JADE2: variants seen among roughly 807,000 people sequenced by gnomAD.
The protein encoded by JADE2 is jade family PHD finger 2, also known as E3 ubiquitin-protein ligase Jade-2.
A neutral mutation model predicts 85.7 loss-of-function variants in JADE2; 13 were observed. The observed-to-expected ratio is 0.15, with a 90% CI of 0.10 to 0.24. JADE2 has a LOEUF of 0.24. JADE2 is among the 10% of genes least tolerant of loss of function. JADE2 has a pLI of 1.00. For synonymous variants in JADE2, 440 were observed against 456.1 expected, an observed-to-expected ratio of 0.96 and a Z score of 0.45; for missense variants, 846 against 1,115.9, an observed-to-expected ratio of 0.76 and a Z score of 3.45.
At chr5:134,567,038 G>A (rs889604259) in intron 9 of JADE2, among the ~76,000 whole-genome samples, 31 of 152,222 alleles carry the variant, frequency 2.0e-4, no homozygotes, top group African/African-American at 7.5e-4. Flanking sequence ...TGAAAGCCAG[G>A]GGCATCAAGA....
At chr5:134,538,341 G>C (rs962357606) in intron 3 of JADE2, among the ~76,000 whole-genome samples, 2 of 152,172 alleles carry the variant, frequency 1.3e-5, no homozygotes, top group Non-Finnish European at 2.9e-5. Flanking sequence ...ATGTTTTAGT[G>C]AAAGTTCCCC....
chr5:134,579,525 C>T lies in JADE2; in HGVS notation c.*208C>T, dbSNP rs1263685106. 6.3e-5 allele frequency: 35 copies of T among 554,298 alleles called. No individual in the cohort carries two copies. Among genetic ancestry groups the T allele is most frequent in the African/African-American group, 1.5e-4 (8 of 53,346 alleles). 34.3% of individuals were successfully genotyped at this position (554,298 alleles called of 1,614,324 possible). A position where few individuals can be genotyped will look rare whatever the true frequency, so the allele number is the denominator to read the frequency against. The stretch of plus-strand genomic sequence containing the variant: ...GCCTAGGACATTAGGATTCCTTCCA[C>T]GGCTCCGGCCGCTAGGACCCTGCCA... On this transcript the variant is annotated 3_prime_UTR_variant, in exon 12 of 12. Transcript: ENST00000681547. This position sits in a 1 kb window ranked among gnomAD's most constrained non-coding sequence, Gnocchi z 4.6.
rs1764537300 is a variant in JADE2 at position 134,578,719 on chromosome 5, G to C, written c.1907G>C (p.Arg636Thr). 1 of 1,613,236 alleles carries C rather than the reference G, an allele frequency of 6.2e-7. No homozygotes were observed. Among genetic ancestry groups the C allele is most frequent in the African/African-American group, 1.3e-5 (1 of 74,904 alleles). ...DPSLRPGDPA[R>T]KARGRTRLPA... ...TCGCTGCGACCTGGTGACCCTGCTA[G>C]GAAGGCCCGAGGCCGCACCCGCCTG... is the stretch of plus-strand genomic sequence containing the variant. The change falls in exon 12 of 12, where the codon AGG becomes ACG. Residue 636 changes from arginine to threonine, a missense_variant. Transcript: ENST00000681547. The surrounding 1 kb of genome is among the most constrained non-coding windows in gnomAD (Gnocchi z 4.4).
chr5:134,524,493 C>T (rs1172546204), upstream of JADE2: 2 of 152,500 alleles, frequency 1.3e-5, no homozygotes, highest in Non-Finnish European at 2.9e-5. Context: ...GAGAGGGGCG[C>T]CCCGCTTCCT....
chr5:134,574,568 G>C (rs187096002), intron 10 of JADE2: 1 of 152,412 alleles, frequency 6.6e-6, no homozygotes, highest in South Asian at 2.1e-4. Flanking sequence ...CTGAGCCACC[G>C]TTGGAGCAAA....
chr5:134,555,356 G>A (rs1762849632), intron 4 of JADE2, among the ~76,000 whole-genome samples: 1 of 152,298 alleles, frequency 6.6e-6, no homozygotes, highest in Admixed American at 6.5e-5. Context: ...CCCTCCCATA[G>A]ATCCCAGCCA....
intron 9 of JADE2, among the ~76,000 whole-genome samples, chr5:134,572,612 C>A (rs1339683359): frequency 6.6e-6 from 1 of 152,234 alleles, no homozygotes; most frequent in African/African-American, 2.4e-5. Context: ...TCAAGCTGAG[C>A]AGCTTTGGCC....
intron 3 of JADE2, among the ~76,000 whole-genome samples, chr5:134,548,667 A>G (rs1762436191): frequency 6.6e-6 from 1 of 151,980 alleles, no homozygotes; most frequent in Non-Finnish European, 1.5e-5. Flanking sequence ...CCCTAACTGT[A>G]GTGGGAAGGG....
chr5:134,570,156 C>G (rs1438990231), intron 9 of JADE2, among the ~76,000 whole-genome samples: 1 of 152,178 alleles, frequency 6.6e-6, no homozygotes, highest in African/African-American at 2.4e-5. Flanking sequence ...CAGGAGAAAT[C>G]CCATAGCGCT....
At chr5:134,541,950 T>C (rs549344985) in intron 3 of JADE2, among the ~76,000 whole-genome samples, 90 of 152,386 alleles carry the variant, frequency 5.9e-4, no homozygotes, top group Admixed American at 1.8e-3. Context: ...CATCTGGCCC[T>C]TGCCCAATGG....
At chr5:134,574,013 T>C (rs920888495) in intron 10 of JADE2, 4 of 576,928 alleles carry the variant, frequency 6.9e-6, no homozygotes, top group African/African-American at 3.8e-5. Context: ...CTCAGGGAGC[T>C]TTCTGGTTGA....
chr5:134,553,377 C>T lies in JADE2; in HGVS notation c.311+1168C>T, dbSNP rs148255591. Among the ~76,000 whole-genome samples, 443 of 133,182 alleles carry T rather than the reference C, an allele frequency of 3.3e-3. 4 individuals are homozygous for T. Among genetic ancestry groups the T allele is most frequent in the African/African-American group, 0.012 (431 of 35,070 alleles). The allele number at this position is 133,182 out of a possible 152,430, so 87.4% of individuals were successfully genotyped here. ...TTATTCTTTTCTTTTTTTTTTGAGA[C>T]GGAGTCTCGCTCTTTCGCCAGGCTG... is the stretch of plus-strand genomic sequence containing the variant. On this transcript the variant is annotated intron_variant, in intron 4 of 11. Coordinates refer to ENST00000681547, the MANE Select transcript of JADE2 (RefSeq NM_001388185.1).
chr5:134,530,657 C>T (rs1264577924), intron 1 of JADE2, among the ~76,000 whole-genome samples: 1 of 152,210 alleles, frequency 6.6e-6, no homozygotes, highest in Non-Finnish European at 1.5e-5. Flanking sequence ...AGACCTGAGG[C>T]CCTCACTAAG....
rs926750821 is a variant in JADE2 at position 134,582,552 on chromosome 5, T to C, written c.*3235T>C. 6.6e-6 allele frequency: 1 copy of C among 152,456 alleles called. No homozygotes were observed. The highest frequency in any genetic ancestry group is 2.4e-5 in the African/African-American group (1 of 41,482). The allele number at this position is 152,456 out of a possible 1,614,324, so 9.4% of individuals were successfully genotyped here. A position where few individuals can be genotyped will look rare whatever the true frequency, so the allele number is the denominator to read the frequency against. ...CAGATGTGGCCAACCTTTGTCCATA[T>C]GCAAACCACTGAAAAATGATCTGGA... On this transcript the variant is annotated 3_prime_UTR_variant, in exon 12 of 12. Coordinates refer to ENST00000681547, the MANE Select transcript of JADE2 (RefSeq NM_001388185.1).
At chr5:134,552,860 A>G (rs577584039) in intron 4 of JADE2, among the ~76,000 whole-genome samples, 1 of 150,974 alleles carries the variant, frequency 6.6e-6, no homozygotes, top group African/African-American at 2.4e-5. Flanking sequence ...TTGTGTAGAG[A>G]TGGGGATTTG....
upstream of JADE2, chr5:134,524,420 GCAC>G (rs1486472845): frequency 6.6e-6 from 1 of 152,356 alleles, no homozygotes; most frequent in Non-Finnish European, 1.5e-5. Context: ...TACTGTTTGT[GCAC>G]CACAAGGTCA....
intron 4 of JADE2, among the ~76,000 whole-genome samples, chr5:134,553,850 G>C (rs898028331): frequency 1.3e-5 from 2 of 152,196 alleles, no homozygotes; most frequent in Non-Finnish European, 2.9e-5. Flanking sequence ...ACCCCTGGCC[G>C]CTCTTGTCAG....
intron 4 of JADE2, among the ~76,000 whole-genome samples, chr5:134,552,943 G>C (rs1762679196): frequency 6.7e-6 from 1 of 148,690 alleles, no homozygotes; most frequent in Non-Finnish European, 1.5e-5. Context: ...GCCTCCGAAA[G>C]TGCTGGGATT....
rs148698918 is a variant in JADE2 at position 134,552,177 on chromosome 5, C to T, written c.279C>T (p.Ala93=). The T allele has an allele frequency of 4.3e-4, 687 of 1,614,164 alleles. 6 individuals carry two copies. In the South Asian group the frequency reaches 6.2e-3, roughly 15 times the overall value. ...GGGAGAAAGGTGTGCAGGTGCCTGC[C>T]GGGGCAGAGGCCATCCCAGAGCCCG... The part of the protein sequence containing the change: ...QEWEKGVQVP[A]GAEAIPEPVV... The change falls in exon 4 of 12, where the codon GCC becomes GCT. Residue 93 remains alanine (A), a synonymous_variant. Coordinates refer to ENST00000681547, the MANE Select transcript of JADE2 (RefSeq NM_001388185.1).
Sources: allele counts gnomAD v4.1 joint callset (sites outside exome capture counted in the v4.1 genomes callset), GRCh38; gene constraint gnomAD v4.1.1; non-coding constraint Gnocchi (gnomAD v3.1); transcripts MANE v1.5; gene names NCBI Gene and HGNC (gene_info 2026-07-23, HGNC 2026-07-21).